The following LPA variants were observed in gnomAD, a reference collection of about 807,000 sequenced individuals.
LPA encodes lipoprotein(a).
A neutral mutation model predicts 197.9 loss-of-function variants in LPA; 199 were observed. The ratio of observed to expected loss-of-function variants is 1.01; its 90% CI spans 0.90 to 1.13. The LOEUF is 1.13. Ranked by LOEUF, LPA falls within the 50% of genes most tolerant of loss-of-function variation. The probability of loss-of-function intolerance (pLI) is 0.00; values close to 1 mark genes in which losing one functional copy is unlikely to be tolerated. For synonymous variants in LPA, 715 were observed against 639.5 expected, an observed-to-expected ratio of 1.12 and a Z score of -1.78; for missense variants, 1,853 against 1,785.8, an observed-to-expected ratio of 1.04 and a Z score of -0.68.
intron 1 of LPA, among the ~76,000 whole-genome samples, chr6:160,652,005 A>G (rs1315768524): frequency 2.9e-5 from 4 of 135,924 alleles, no homozygotes; most frequent in African/African-American, 1.1e-4. Flanking sequence ...ATACAAAAAA[A>G]GAGTTCCTGA....
chr6:160,579,339 AG>A (rs1402485132), intron 26 of LPA, among the ~76,000 whole-genome samples: 1 of 152,180 alleles, frequency 6.6e-6, no homozygotes, highest in Non-Finnish European at 1.5e-5. Context: ...GACTTATAAA[AG>A]CTTCCCTGGA....
intron 18 of LPA, among the ~76,000 whole-genome samples, chr6:160,602,936 G>T (rs1207825822): frequency 1.4e-5 from 2 of 146,914 alleles, no homozygotes; most frequent in Non-Finnish European, 3.0e-5. Context: ...GATGTTTCTT[G>T]TTATTATATC....
At chr6:160,658,545 T>C (rs1414460029) in intron 1 of LPA, among the ~76,000 whole-genome samples, 3 of 152,206 alleles carry the variant, frequency 2.0e-5, no homozygotes, top group African/African-American at 4.8e-5. Context: ...AACTTCATTA[T>C]GTTCCTTGGT....
At chr6:160,584,122 G>A (rs1778849884) in intron 26 of LPA, among the ~76,000 whole-genome samples, 1 of 151,852 alleles carries the variant, frequency 6.6e-6, no homozygotes, top group African/African-American at 2.4e-5. Flanking sequence ...AACCCAGTGT[G>A]TTCATACAGG....
At chr6:160,593,719 T>C (rs41272044) in intron 22 of LPA, among the ~76,000 whole-genome samples, 27,053 of 152,154 alleles carry the variant, frequency 0.18, 2,874 homozygotes, top group East Asian at 0.4. Context: ...GAGCTTTCTA[T>C]TCATGAGAAC....
At chr6:160,611,455 T>G (rs1290469180) in intron 16 of LPA, 107 bp downstream of exon 16, 3 of 1,541,102 alleles carry the variant, frequency 1.9e-6, no homozygotes, top group East Asian at 4.5e-5. Flanking sequence ...CTACACCATC[T>G]GAATCTGACA....
chr6:160,607,062 A>C (rs1257490773), intron 16 of LPA, among the ~76,000 whole-genome samples: 2 of 151,980 alleles, frequency 1.3e-5, no homozygotes, highest in African/African-American at 2.4e-5. Context: ...AGTTCTCCGT[A>C]TCTCTCTCGG....
chr6:160,553,980 T>C (rs1044554650), intron 30 of LPA, among the ~76,000 whole-genome samples: 11 of 111,370 alleles, frequency 9.9e-5, no homozygotes, highest in Admixed American at 3.7e-4. Context: ...TGCGTGTGTG[T>C]GTGTCTTACA....
chr6:160,608,116 G>A (rs1239376384), intron 16 of LPA, among the ~76,000 whole-genome samples: 5 of 152,050 alleles, frequency 3.3e-5, no homozygotes, highest in African/African-American at 2.4e-5. Context: ...ATAGAAATTT[G>A]GTCAAGAAAA....
At chr6:160,589,808 A>C (rs1778991435) in intron 23 of LPA, 96 bp from the exon 24 acceptor site, 4 of 1,412,826 alleles carry the variant, frequency 2.8e-6, no homozygotes, top group South Asian at 1.2e-5. Context: ...TCATCTCTGA[A>C]AATGACGACC....
intron 1 of LPA, among the ~76,000 whole-genome samples, chr6:160,654,696 G>C (rs1366790867): frequency 6.6e-6 from 1 of 152,066 alleles, no homozygotes; most frequent in Admixed American, 6.5e-5. Flanking sequence ...ATGCTGATAT[G>C]AACAACACTT....
chr6:160,553,954 T>TGTGC (rs771903485), intron 30 of LPA, among the ~76,000 whole-genome samples: 7 of 130,744 alleles, frequency 5.4e-5, no homozygotes, highest in African/African-American at 2.1e-4. Flanking sequence ...TGTGTGTGTG[T>TGTGC]GCGCGCGCGC....
chr6:160,551,259 CATG>C (rs1778162363), intron 30 of LPA, among the ~76,000 whole-genome samples: 1 of 152,162 alleles, frequency 6.6e-6, no homozygotes, highest in Admixed American at 6.5e-5. Flanking sequence ...GGTGACATCT[CATG>C]ATGATTATAA....
chr6:160,652,373 G>A (rs1273012006), intron 1 of LPA, among the ~76,000 whole-genome samples: 13 of 152,112 alleles, frequency 8.5e-5, no homozygotes, highest in Non-Finnish European at 1.6e-4. Context: ...TATTCAAAAC[G>A]GAATATAATG....
At position 160,557,470 on chromosome 6, in the gene LPA, T is replaced by C. The variant is rs933958432; in HGVS notation, c.4733A>G (p.Gln1578Arg). 3.1e-6 allele frequency: 5 copies of C among 1,614,054 alleles called. No individual in the cohort carries two copies. In the Admixed American group the frequency reaches 6.7e-5, roughly 22 times the overall value. ...CVRWEYCNLTQCSETESGVLE... is the reference protein window; with the variant it reads ...CVRWEYCNLTRCSETESGVLE... ...GACACCTGATTCTGTTTCTGAGCAT[T>C]GTGTCAGATTGCAGTACTCCCACCT... Residue 1578 changes from glutamine (Q) to arginine (R), a missense_variant, in exon 29 of 39, where the codon CAA becomes CGA. Physicochemically the swap from Gln to Arg is conservative, Grantham distance 43 (BLOSUM62 1). Transcript: ENST00000316300.
chr6:160,564,024 C>A (rs1332830477), intron 28 of LPA, among the ~76,000 whole-genome samples: 1 of 152,108 alleles, frequency 6.6e-6, no homozygotes, highest in Non-Finnish European at 1.5e-5. Flanking sequence ...ATTCAATTTC[C>A]CAGTCTGTGT....
intron 37 of LPA, among the ~76,000 whole-genome samples, chr6:160,533,108 A>C (rs957802314): frequency 2.0e-5 from 3 of 152,160 alleles, no homozygotes; most frequent in Middle Eastern, 3.2e-3. Flanking sequence ...AGTCTTCATA[A>C]CTAATATTTT....
chr6:160,634,438 C>T lies in LPA; in HGVS notation c.1076-526G>A, dbSNP rs374212411. ...ACTTTGCTTCTCAAGGATGTGTGCACGCCAAAACCTTCTTCCCTTGGAGGA... is the reference window on the plus strand; with the variant it reads ...ACTTTGCTTCTCAAGGATGTGTGCATGCCAAAACCTTCTTCCCTTGGAGGA... On this transcript the variant is annotated intron_variant, in intron 7 of 38. Transcript: ENST00000316300. Among the ~76,000 whole-genome samples, 35 of 123,382 alleles carry T rather than the reference C, an allele frequency of 2.8e-4. No individual in the cohort carries two copies. The South Asian group carries it at 3.9e-3, about 14-fold the overall frequency. The allele number at this position is 123,382 out of a possible 152,430, so 80.9% of individuals were successfully genotyped here. A position where few individuals can be genotyped will look rare whatever the true frequency, so the allele number is the denominator to read the frequency against.
intron 32 of LPA, among the ~76,000 whole-genome samples, chr6:160,546,240 T>A (rs192137339): frequency 6.6e-6 from 1 of 152,144 alleles, no homozygotes; most frequent in Non-Finnish European, 1.5e-5. Context: ...GGTGAGCCGA[T>A]CACCGATGGC....
Sources: allele counts gnomAD v4.1 joint callset (sites outside exome capture counted in the v4.1 genomes callset), GRCh38; gene constraint gnomAD v4.1.1; transcripts MANE v1.5; gene names NCBI Gene and HGNC (gene_info 2026-07-23, HGNC 2026-07-21).